The following KLRG1 variants were observed in gnomAD, a reference collection of about 807,000 sequenced individuals.
KLRG1 encodes the protein killer cell lectin like receptor G1, also known as killer cell lectin-like receptor subfamily G member 1.
KLRG1 carries 16 observed loss-of-function variants against 21.8 expected under a neutral mutation model. The ratio of observed to expected loss-of-function variants is 0.73; its 90% CI spans 0.50 to 1.11. The LOEUF (loss-of-function observed/expected upper bound fraction) is 1.11. Among genes scored for constraint, KLRG1 ranks in the 50% most tolerant of loss-of-function variants. The probability of loss-of-function intolerance (pLI) is 0.00; values close to 1 mark genes in which losing one functional copy is unlikely to be tolerated. For synonymous variants in KLRG1, 69 were observed against 75.9 expected (o/e 0.91, Z 0.47); for missense variants, 173 against 218.3 (o/e 0.79, Z 1.31).
chr12:9,105,239 A>G, the KLRG1 span, among the ~76,000 whole-genome samples: 1 of 152,316 alleles, frequency 6.6e-6, no homozygotes, highest in African/African-American at 2.4e-5. Flanking sequence ...TTTGCCAGTG[A>G]AATGTTGGCT....
At chr12:9,113,596 A>C in the KLRG1 span, 1 of 1,527,374 alleles carries the variant, frequency 6.5e-7, no homozygotes, top group Non-Finnish European at 9.0e-7. Context: ...AGGCATTGCT[A>C]TCAACAGCAC....
chr12:9,054,540 A>C, the KLRG1 span, among the ~76,000 whole-genome samples: 1 of 147,424 alleles, frequency 6.8e-6, no homozygotes, highest in Admixed American at 6.9e-5. Flanking sequence ...GATATTCATC[A>C]CATTAAACGT....
At chr12:8,977,868 C>T (rs910263054) in intron 1 of KLRG1, among the ~76,000 whole-genome samples, 1 of 151,888 alleles carries the variant, frequency 6.6e-6, no homozygotes, top group Admixed American at 6.6e-5. Context: ...GTTTCAATCT[C>T]ATTCTTTTGA....
intron 1 of KLRG1, among the ~76,000 whole-genome samples, chr12:8,976,115 CCT>C (rs1253253219): frequency 5.9e-5 from 9 of 151,922 alleles, no homozygotes. Context: ...TCTAAAGGTT[CCT>C]CTTAGTATTG....
chr12:9,078,173 C>T, the KLRG1 span, among the ~76,000 whole-genome samples: 6 of 152,052 alleles, frequency 3.9e-5, no homozygotes, highest in Admixed American at 3.3e-4. Flanking sequence ...TTGACCCATC[C>T]GCTTAGTTCC....
At chr12:9,035,958 G>A in the KLRG1 span, among the ~76,000 whole-genome samples, 2 of 152,158 alleles carry the variant, frequency 1.3e-5, no homozygotes, top group Non-Finnish European at 2.9e-5. Flanking sequence ...TATGCAGGGA[G>A]GCAGAGTGGA....
At chr12:9,192,280 A>T in the KLRG1 span, 165 of 1,609,566 alleles carry the variant, frequency 1.0e-4, no homozygotes, top group African/African-American at 2.0e-3. Context: ...ACAGTGAAGG[A>T]AATTTCTTGA....
chr12:9,043,019 G>T, the KLRG1 span, among the ~76,000 whole-genome samples: 226 of 151,482 alleles, frequency 1.5e-3, 1 homozygote, highest in African/African-American at 5.1e-3. Context: ...GAATATTTAT[G>T]CCCTTATCCT....
chr12:9,121,067 A>C, the KLRG1 span, among the ~76,000 whole-genome samples: 1 of 151,904 alleles, frequency 6.6e-6, no homozygotes. This position sits in a 1 kb window ranked among gnomAD's most constrained non-coding sequence, Gnocchi z 4.4. Flanking sequence ...TAAGCTTTTT[A>C]TGGAGACAGG....
At chr12:9,050,814 C>A in the KLRG1 span, among the ~76,000 whole-genome samples, 6 of 152,200 alleles carry the variant, frequency 3.9e-5, no homozygotes, top group Non-Finnish European at 8.8e-5. Context: ...GCAGTGTGCA[C>A]CCTCATGGGC....
At chr12:8,998,582 G>A (rs529378101) in intron 3 of KLRG1, among the ~76,000 whole-genome samples, 9 of 151,706 alleles carry the variant, frequency 5.9e-5, no homozygotes, top group South Asian at 2.1e-4. Context: ...CCAGCTACTC[G>A]GGAGGCTGAG....
chr12:9,165,146 C>A, the KLRG1 span: 1 of 1,613,592 alleles, frequency 6.2e-7, no homozygotes, highest in African/African-American at 1.3e-5. Flanking sequence ...TACCCGGATG[C>A]ATTTGGGAAG....
At chr12:9,194,024 T>C in the KLRG1 span, 7 of 1,511,192 alleles carry the variant, frequency 4.6e-6, no homozygotes, top group Non-Finnish European at 6.4e-6. Flanking sequence ...TCTGAATATA[T>C]CACTGTTCCT....
chr12:9,166,290 G>T, the KLRG1 span: 1 of 1,327,338 alleles, frequency 7.5e-7, no homozygotes, highest in Non-Finnish European at 1.0e-6. Context: ...AAAATTTTCA[G>T]TTTTCCTGCT....
the KLRG1 span, among the ~76,000 whole-genome samples, chr12:9,129,428 A>G: frequency 6.6e-6 from 1 of 152,094 alleles, no homozygotes; most frequent in East Asian, 1.9e-4. Context: ...AGTAATGTAT[A>G]CTTATTATAA....
At chr12:9,033,212 A>G in the KLRG1 span, among the ~76,000 whole-genome samples, 2 of 152,162 alleles carry the variant, frequency 1.3e-5, no homozygotes, top group African/African-American at 2.4e-5. Context: ...CAAGGAGGGA[A>G]GATCGCTTGA....
the KLRG1 span, among the ~76,000 whole-genome samples, chr12:9,099,914 T>C: frequency 1.3e-5 from 2 of 152,224 alleles, no homozygotes; most frequent in African/African-American, 4.8e-5. Context: ...ATTTGGTTCT[T>C]TCTCCATAAG....
intron 3 of KLRG1, among the ~76,000 whole-genome samples, chr12:9,007,257 CTT>C (rs1217595757): frequency 6.6e-6 from 1 of 151,946 alleles, no homozygotes. Context: ...TTTTGCCTCT[CTT>C]TATTTTATTT....
At chr12:8,978,645 T>TTTCTTTCC (rs149058916) in intron 1 of KLRG1, among the ~76,000 whole-genome samples, 1,028 of 19,754 alleles carry the variant, frequency 0.052, 16 homozygotes, top group African/African-American at 0.087. Context: ...CTTTCTTTTC[T>TTTCTTTCC]TTCTTTCTTT....
Sources: gnomAD v4.1 joint callset for allele counts (sites outside exome capture counted in the v4.1 genomes callset) on GRCh38, gnomAD v4.1.1 for gene constraint, Gnocchi (gnomAD v3.1) non-coding constraint, MANE v1.5 for transcripts, NCBI Gene and HGNC (gene_info 2026-07-23, HGNC 2026-07-21) for gene names.